PEDS1: variants seen among roughly 807,000 people sequenced by gnomAD.
PEDS1 encodes the protein CarF homolog.
Under a neutral mutation model 35.2 loss-of-function variants are expected in PEDS1, and 14 were observed. The ratio of observed to expected loss-of-function variants is 0.40; its 90% confidence interval spans 0.26 to 0.62. The LOEUF (loss-of-function observed/expected upper bound fraction) is 0.62, where lower values mean the gene tolerates loss of function less well. Ranked by LOEUF, PEDS1 falls within the 20% of genes least tolerant of loss-of-function variation. The pLI, the probability that PEDS1 is intolerant of heterozygous loss-of-function variation, is 0.44. For synonymous variants in PEDS1, 152 were observed against 152.0 expected, an observed-to-expected ratio of 1.00 and a Z score of 0.00; for missense variants, 260 against 367.8, an observed-to-expected ratio of 0.71 and a Z score of 2.40.
At chr20:50,149,861 C>T (rs1261436737) in intron 1 of PEDS1, among the ~76,000 whole-genome samples, 6 of 152,202 alleles carry the variant, frequency 3.9e-5, no homozygotes, top group Non-Finnish European at 5.9e-5. Flanking sequence ...GGCCCAGTCC[C>T]GGGTTCCAGG....
At position 50,144,751 on chromosome 20, in the gene PEDS1, A is replaced by G. The variant is rs145918144; in HGVS notation, c.122-1130T>C. On this transcript the variant is annotated intron_variant, in intron 1 of 5. Coordinates refer to ENST00000371652, the MANE Select transcript of PEDS1 (RefSeq NM_199129.4). Reference sequence around the variant, plus strand: ...GTTGTCTATAAGTGGACGTGGAGAGATGTCCAGGACATCTAGGTAAGTGCA... The same window carrying G: ...GTTGTCTATAAGTGGACGTGGAGAGGTGTCCAGGACATCTAGGTAAGTGCA... Among the ~76,000 whole-genome samples, 273 of 152,334 alleles carry G rather than the reference A, an allele frequency of 1.8e-3. 1 individual carries two copies. Among genetic ancestry groups the G allele is most frequent in the Non-Finnish European group, 3.4e-3 (234 of 68,030 alleles).
chr20:50,120,682 A>C lies in PEDS1; in HGVS notation c.*4376T>G, dbSNP rs549500292. On this transcript the variant is annotated 3_prime_UTR_variant, in exon 6 of 6. Coordinates refer to ENST00000371652, the MANE Select transcript of PEDS1 (RefSeq NM_199129.4). ...AAACCCCATCTCTACAAAAAATACA[A>C]AAAGAAACTAGCTGGGGGTGGTGGC... 6.6e-6 allele frequency: 1 copy of C among 152,146 alleles called. No homozygotes were observed. Among genetic ancestry groups the C allele is most frequent in the Admixed American group, 6.5e-5 (1 of 15,268 alleles). The allele number at this position is 152,146 out of a possible 1,614,324, so 9.4% of individuals were successfully genotyped here.
chr20:50,150,434 T>C (rs530653648), intron 1 of PEDS1, among the ~76,000 whole-genome samples: 1 of 152,264 alleles, frequency 6.6e-6, no homozygotes, highest in South Asian at 2.1e-4. Context: ...GTTTCCCTGG[T>C]CTGGACCAAC....
intron 5 of PEDS1, among the ~76,000 whole-genome samples, chr20:50,125,717 C>T (rs542665967): frequency 6.6e-6 from 1 of 152,166 alleles, no homozygotes; most frequent in East Asian, 1.9e-4. Context: ...CCTCAGCCTC[C>T]GAGTAGCTGA....
At position 50,129,549 on chromosome 20, in the gene PEDS1, G is replaced by A; in HGVS notation, c.475C>T (p.Pro159Ser). The change falls in exon 4 of 6, where the codon CCT becomes TCT. Residue 159 changes from proline to serine, a missense_variant. This residue lies in a region of PEDS1 where 29 missense variants were observed against 21.5 expected (regional missense o/e 1.35). Coordinates refer to ENST00000371652, the MANE Select transcript of PEDS1 (RefSeq NM_199129.4). The surrounding 1 kb of genome is among the most constrained non-coding windows in gnomAD (Gnocchi z 4.2). Reference protein sequence around the residue: ...NMAYKFRTHSPEALEQLYPWE... With the variant: ...NMAYKFRTHSSEALEQLYPWE... The stretch of plus-strand genomic sequence containing the variant: ...CACCACTAGCTGGGTGTCTCACCAG[G>A]GCTGTGGGTGCGGAACTTGTAGGCC... 1 of 1,614,132 alleles carries A rather than the reference G, an allele frequency of 6.2e-7. No homozygotes were observed. The highest frequency in any genetic ancestry group is 8.5e-7 in the Non-Finnish European group (1 of 1,180,002).
At chr20:50,149,074 T>A (rs912920807) in intron 1 of PEDS1, among the ~76,000 whole-genome samples, 3 of 152,032 alleles carry the variant, frequency 2.0e-5, no homozygotes, top group African/African-American at 7.2e-5. Flanking sequence ...AATCGCTCCA[T>A]CACACTCCAG....
chr20:50,152,768 T>C (rs1278757236), intron 1 of PEDS1, among the ~76,000 whole-genome samples: 1 of 151,730 alleles, frequency 6.6e-6, no homozygotes, highest in Non-Finnish European at 1.5e-5. Context: ...TTGGGGCTTA[T>C]GTACAGGGGA....
At chr20:50,151,702 A>G (rs2081405832) in intron 1 of PEDS1, among the ~76,000 whole-genome samples, 2 of 152,166 alleles carry the variant, frequency 1.3e-5, no homozygotes, top group African/African-American at 4.8e-5. Context: ...TACTGAAAAT[A>G]CAGAAAATTA....
At chr20:50,139,379 G>A (rs2081269270) in intron 2 of PEDS1, among the ~76,000 whole-genome samples, 1 of 152,022 alleles carries the variant, frequency 6.6e-6, no homozygotes, top group East Asian at 1.9e-4. Context: ...TGACCTCCAC[G>A]TGGCTAAATC....
chr20:50,151,469 G>C (rs1049426209), intron 1 of PEDS1, among the ~76,000 whole-genome samples: 1 of 152,238 alleles, frequency 6.6e-6, no homozygotes, highest in Admixed American at 6.5e-5. Flanking sequence ...CACTAAAGAG[G>C]GAGGCCCTTG....
At chr20:50,152,927 G>C (rs1302468458) in intron 1 of PEDS1, among the ~76,000 whole-genome samples, 1 of 152,022 alleles carries the variant, frequency 6.6e-6, no homozygotes, top group African/African-American at 2.4e-5. Context: ...GGGGAAGGGT[G>C]TGGGGGGTAC....
chr20:50,147,282 C>T (rs903217343), intron 1 of PEDS1, among the ~76,000 whole-genome samples: 2 of 152,148 alleles, frequency 1.3e-5, no homozygotes, highest in Non-Finnish European at 2.9e-5. Flanking sequence ...TTCCTGCTTC[C>T]CTCAACAACA....
At position 50,120,248 on chromosome 20, in the gene PEDS1, G is replaced by C. The variant is rs140545063; in HGVS notation, c.*4810C>G. 811 of 208,942 alleles carry C rather than the reference G, an allele frequency of 3.9e-3. 8 individuals carry two copies. The highest frequency in any genetic ancestry group is 0.018 in the African/African-American group (757 of 42,544). 12.9% of individuals were successfully genotyped at this position (208,942 alleles called of 1,614,324 possible). On this transcript the variant is annotated 3_prime_UTR_variant, in exon 6 of 6. Coordinates refer to ENST00000371652, the MANE Select transcript of PEDS1 (RefSeq NM_199129.4). ...CCACTGCACTCCAGCCTGGACAACA[G>C]AGCAAGACCCTGTCTCTAAAAAACA...
chr20:50,136,100 A>T (rs365088), intron 2 of PEDS1, among the ~76,000 whole-genome samples: 45,447 of 151,120 alleles, frequency 0.3, 6,829 homozygotes, highest in Middle Eastern at 0.4. Flanking sequence ...ACTTTTTTTA[A>T]AAAAAAAAAC....
chr20:50,125,958 C>A (rs1490020994), intron 5 of PEDS1, among the ~76,000 whole-genome samples: 2 of 152,130 alleles, frequency 1.3e-5, no homozygotes, highest in African/African-American at 4.8e-5. Context: ...CTCCTGGGCT[C>A]AAGCAATCCT....
intron 2 of PEDS1, among the ~76,000 whole-genome samples, chr20:50,135,545 T>C (rs143800586): frequency 0.025 from 3,739 of 148,556 alleles, 67 homozygotes; most frequent in Middle Eastern, 0.062. Context: ...GTAATCCCAG[T>C]TACTCGGGAG....
chr20:50,149,322 C>T (rs369371388), intron 1 of PEDS1, among the ~76,000 whole-genome samples: 20 of 152,230 alleles, frequency 1.3e-4, no homozygotes, highest in African/African-American at 4.8e-4. Context: ...AGGGGGCACC[C>T]ACAGTTGGCC....
Position 50,128,701 on chromosome 20 carries a change from G to A in PEDS1, c.479-514C>T, listed in dbSNP as rs967422572. On this transcript the variant is annotated intron_variant, in intron 4 of 5. Transcript: ENST00000371652. This position sits in a 1 kb window ranked among gnomAD's most constrained non-coding sequence, Gnocchi z 5.2. ...GAAGAGCAGAGCAAAGATGGGGTGG[G>A]TGGCGTCCTGTCTCAGTCTGTTCCT... is the stretch of plus-strand genomic sequence containing the variant. Among the ~76,000 whole-genome samples the A allele has an allele frequency of 1.1e-4, 17 of 152,334 alleles. No homozygotes were observed. In the East Asian group the frequency reaches 2.1e-3, roughly 19 times the overall value.
At chr20:50,139,949 G>C (rs2081276022) in intron 2 of PEDS1, among the ~76,000 whole-genome samples, 1 of 152,010 alleles carries the variant, frequency 6.6e-6, no homozygotes, top group Non-Finnish European at 1.5e-5. Flanking sequence ...GCTATTTCCA[G>C]CTGCCTCTCC....
Sources: gnomAD v4.1 joint callset for allele counts (sites outside exome capture counted in the v4.1 genomes callset) on GRCh38, gnomAD v4.1.1 for gene constraint, gnomAD v4.1.1 regional missense constraint, Gnocchi (gnomAD v3.1) non-coding constraint, MANE v1.5 for transcripts, NCBI Gene and HGNC (gene_info 2026-07-23, HGNC 2026-07-21) for gene names.